Variants in COL5A1 observed in about 807,000 individuals in gnomAD.
The protein encoded by COL5A1 is collagen type V alpha 1 chain, also known as collagen alpha-1(V) chain.
COL5A1 carries 16 observed loss-of-function variants against 263.7 expected under a neutral mutation model. That is an observed-to-expected ratio of 0.06 (90% CI 0.04 to 0.09). COL5A1 has a LOEUF of 0.09. COL5A1 is among the 10% of genes least tolerant of loss of function. The pLI is 1.00. For missense variants in COL5A1, 2,036 were observed against 2,540.5 expected (o/e 0.80, Z 4.27); for synonymous variants, 1,012 against 1,004.5 (o/e 1.01, Z -0.14).
chr9:134,826,101 G>A (rs1839252491), intron 63 of COL5A1, among the ~76,000 whole-genome samples, 197 bp downstream of exon 63: 1 of 152,246 alleles, frequency 6.6e-6, no homozygotes, highest in Non-Finnish European at 1.5e-5. Flanking sequence ...AAATAGGTTT[G>A]TGCAGCCCGG....
chr9:134,722,237 G>A (rs1834490301), intron 4 of COL5A1, among the ~76,000 whole-genome samples: 1 of 152,226 alleles, frequency 6.6e-6, no homozygotes, highest in African/African-American at 2.4e-5. Flanking sequence ...GCTGCAGTCT[G>A]GGGGTGTGGT....
chr9:134,673,548 A>G (rs78083267), intron 1 of COL5A1, among the ~76,000 whole-genome samples: 1,824 of 152,290 alleles, frequency 0.012, 32 homozygotes, highest in African/African-American at 0.035. Context: ...CCTTACCTCA[A>G]ATAATATACA....
At position 134,682,367 on chromosome 9, in the gene COL5A1, G is replaced by A. The variant is rs373112840; in HGVS notation, c.110-8545G>A. On this transcript the variant is annotated intron_variant, in intron 1 of 65. Coordinates refer to ENST00000371817, the MANE Select transcript of COL5A1 (RefSeq NM_000093.5). This position sits in a 1 kb window ranked among gnomAD's most constrained non-coding sequence, Gnocchi z 5.1. ...TGCGGCTTCCTTTAGCCACCACAGC[G>A]GGCATGGGGAGGGGACTGTGCGGGT... 4.0e-3 allele frequency among the ~76,000 whole-genome samples: 616 copies of A among 152,326 alleles called. 14 individuals are homozygous for A. The South Asian group carries it at 0.063, about 16-fold the overall frequency.
chr9:134,835,492 C>T (rs1226830661), intron 65 of COL5A1, among the ~76,000 whole-genome samples: 1 of 152,180 alleles, frequency 6.6e-6, no homozygotes, highest in Non-Finnish European at 1.5e-5. Context: ...AGGGCTGTGG[C>T]GTGGAGTGAG....
chr9:134,748,704 A>G (rs1471575652), intron 11 of COL5A1, among the ~76,000 whole-genome samples: 2 of 152,260 alleles, frequency 1.3e-5, no homozygotes, highest in African/African-American at 4.8e-5. Flanking sequence ...ACATATATAC[A>G]TTCTTTGACC....
intron 1 of COL5A1, among the ~76,000 whole-genome samples, chr9:134,662,352 A>G (rs1419208935): frequency 1.3e-5 from 2 of 152,202 alleles, no homozygotes; most frequent in Non-Finnish European, 2.9e-5. Context: ...TTCTTCTCTG[A>G]CAACTCAGCT....
At chr9:134,719,762 G>T (rs995611660) in intron 4 of COL5A1, among the ~76,000 whole-genome samples, 5 of 152,224 alleles carry the variant, frequency 3.3e-5, no homozygotes, top group Admixed American at 6.5e-5. Flanking sequence ...GTAAGAGGAC[G>T]GAGGATGGGG....
chr9:134,830,879 C>T (rs911052939), intron 64 of COL5A1, among the ~76,000 whole-genome samples: 4 of 152,188 alleles, frequency 2.6e-5, no homozygotes, highest in Non-Finnish European at 5.9e-5. Flanking sequence ...CCCTAGGAAC[C>T]CCACCGGAGT....
rs1041525116 is a variant in COL5A1, at chr9:134,788,581, G to GT, written c.2647-573dup. On this transcript the variant is annotated intron_variant, in intron 31 of 65. Transcript: ENST00000371817. ...GCAGATGGAATGAATGGGTAGGTGG[G>GT]TGGGTGGGTAGGTGGATAGACAGAT... Among the ~76,000 whole-genome samples, 13 of 142,034 alleles carry GT rather than the reference G, an allele frequency of 9.2e-5. 1 individual carries two copies. Among genetic ancestry groups the GT allele is most frequent in the Admixed American group, 8.3e-4 (12 of 14,442 alleles). 93.2% of individuals were successfully genotyped at this position (142,034 alleles called of 152,430 possible). A position where few individuals can be genotyped will look rare whatever the true frequency, so the allele number is the denominator to read the frequency against.
At chr9:134,759,410 C>T (rs1836145464) in intron 18 of COL5A1, among the ~76,000 whole-genome samples, 1 of 142,702 alleles carries the variant, frequency 7.0e-6, no homozygotes. Context: ...CACACCCACA[C>T]ACACCCACAC....
At chr9:134,793,199 A>C (rs889710679) in intron 32 of COL5A1, among the ~76,000 whole-genome samples, 5 of 151,830 alleles carry the variant, frequency 3.3e-5, no homozygotes, top group Non-Finnish European at 7.4e-5. Context: ...CCCGCTCTTC[A>C]GATGCACCTG....
At chr9:134,811,203 C>A in intron 44 of COL5A1, 136 bp from the exon 45 acceptor site, 1 of 827,426 alleles carries the variant, frequency 1.2e-6, no homozygotes, top group South Asian at 1.3e-5. Flanking sequence ...CATCGTGGTG[C>A]AAGGAACGAC....
chr9:134,840,425 G>A (rs1453863305), intron 65 of COL5A1, among the ~76,000 whole-genome samples: 2 of 152,222 alleles, frequency 1.3e-5, no homozygotes, highest in Non-Finnish European at 2.9e-5. Context: ...TCTGTGATGT[G>A]AGCATGCCCA....
Position 134,691,016 on chromosome 9 carries a change from G to A in COL5A1, c.214G>A (p.Asp72Asn), listed in dbSNP as rs376115028. The A allele has an allele frequency of 4.3e-6, 7 of 1,613,802 alleles. No homozygotes were observed. The highest frequency in any genetic ancestry group is 3.4e-6 in the Non-Finnish European group (4 of 1,180,048). ...CACGCGGCGATCTTCCAAAGGCCCG[G>A]ATGTCGCTTACAGAGTCACCAAAGA... ...CATRRSSKGPDVAYRVTKDAQ... is the reference protein window; with the variant it reads ...CATRRSSKGPNVAYRVTKDAQ... Residue 72 changes from aspartate to asparagine, a missense_variant, in exon 2 of 66, where the codon GAT becomes AAT. Physicochemically the swap from Asp to Asn is conservative, Grantham distance 23. This residue lies in a region of COL5A1 where 600 missense variants were observed against 634.5 expected (regional missense o/e 0.95). Coordinates refer to ENST00000371817, the MANE Select transcript of COL5A1 (RefSeq NM_000093.5).
intron 27 of COL5A1, among the ~76,000 whole-genome samples, chr9:134,777,831 TC>T (rs1323047941): frequency 2.0e-5 from 3 of 152,044 alleles, no homozygotes; most frequent in African/African-American, 4.8e-5. Context: ...ACAAACCCAG[TC>T]CCCCAGGACT....
At chr9:134,701,470 A>G in intron 4 of COL5A1, 137 bp downstream of exon 4, 1 of 871,934 alleles carries the variant, frequency 1.1e-6, no homozygotes, top group South Asian at 1.4e-5. Context: ...TGTTGGTCAG[A>G]AGCCTCTGCT....
intron 2 of COL5A1, among the ~76,000 whole-genome samples, chr9:134,697,052 CAG>C (rs1833503822): frequency 6.6e-6 from 1 of 151,292 alleles, no homozygotes; most frequent in Non-Finnish European, 1.5e-5. Context: ...GCCTGGGCAA[CAG>C]AGTGAGACTC....
At chr9:134,732,258 C>T (rs1834915707) in intron 9 of COL5A1, 131 bp downstream of exon 9, 2 of 907,956 alleles carry the variant, frequency 2.2e-6, no homozygotes, top group Admixed American at 3.7e-5. Context: ...GAGCAACCAC[C>T]TGGTCTCGTG....
chr9:134,665,295 C>T (rs1189481248), intron 1 of COL5A1, among the ~76,000 whole-genome samples: 2 of 152,234 alleles, frequency 1.3e-5, no homozygotes, highest in East Asian at 3.8e-4. Flanking sequence ...GTGTGGAGAA[C>T]CGCTGTGCAG....
Sources: gnomAD v4.1 joint callset for allele counts (sites outside exome capture counted in the v4.1 genomes callset) on GRCh38, gnomAD v4.1.1 for gene constraint, gnomAD v4.1.1 regional missense constraint, Gnocchi (gnomAD v3.1) non-coding constraint, MANE v1.5 for transcripts, NCBI Gene and HGNC (gene_info 2026-07-23, HGNC 2026-07-21) for gene names.